The following ADAMTS19 variants were observed in gnomAD, a reference collection of about 807,000 sequenced individuals.
ADAMTS19 encodes ADAM metallopeptidase with thrombospondin type 1 motif 19.
A neutral mutation model predicts 153.3 loss-of-function variants in ADAMTS19; 93 were observed. The ratio of observed to expected loss-of-function variants is 0.61; its 90% CI spans 0.51 to 0.72. ADAMTS19 has a LOEUF of 0.72. ADAMTS19 is among the 30% of genes least tolerant of loss of function. The probability of loss-of-function intolerance (pLI) is 0.00; values close to 1 mark genes in which losing one functional copy is unlikely to be tolerated. For missense variants in ADAMTS19, 1,482 were observed against 1,552.1 expected, an observed-to-expected ratio of 0.95 and a Z score of 0.76; for synonymous variants, 600 against 556.6, an observed-to-expected ratio of 1.08 and a Z score of -1.10.
At chr5:129,532,421 A>G (rs1752242006) in intron 6 of ADAMTS19, among the ~76,000 whole-genome samples, 2 of 152,156 alleles carry the variant, frequency 1.3e-5, no homozygotes, top group Admixed American at 1.3e-4. Context: ...CACCCACTTG[A>G]AAGGCTTCAG....
chr5:129,634,122 A>T (rs1161313000), intron 10 of ADAMTS19, among the ~76,000 whole-genome samples: 1 of 152,162 alleles, frequency 6.6e-6, no homozygotes, highest in East Asian at 1.9e-4. Context: ...TGATGAACTA[A>T]CCTTGTGCCA....
intron 6 of ADAMTS19, among the ~76,000 whole-genome samples, chr5:129,540,537 C>T (rs1287379787): frequency 6.6e-6 from 1 of 152,018 alleles, no homozygotes; most frequent in African/African-American, 2.4e-5. Context: ...CTTTGCCTTT[C>T]CTATTTGCAG....
intron 3 of ADAMTS19, among the ~76,000 whole-genome samples, chr5:129,522,161 A>G (rs1466536814): frequency 6.6e-6 from 1 of 151,022 alleles, no homozygotes; most frequent in African/African-American, 2.4e-5. Flanking sequence ...GGCCAATTAT[A>G]TATCCATCTA....
At chr5:129,723,299 T>C (rs534832810) in intron 21 of ADAMTS19, among the ~76,000 whole-genome samples, 147 of 152,324 alleles carry the variant, frequency 9.7e-4, no homozygotes, top group African/African-American at 3.3e-3. Flanking sequence ...GATTAAATTA[T>C]TTTCAGGTAA....
chr5:129,557,555 T>C (rs1047465659), intron 7 of ADAMTS19, among the ~76,000 whole-genome samples: 2 of 152,098 alleles, frequency 1.3e-5, no homozygotes, highest in African/African-American at 4.8e-5. Flanking sequence ...GCCGAGATGG[T>C]GGCACTGCAC....
intron 21 of ADAMTS19, among the ~76,000 whole-genome samples, chr5:129,729,718 G>C (rs1024011936): frequency 1.3e-5 from 2 of 151,790 alleles, no homozygotes; most frequent in Non-Finnish European, 2.9e-5. Context: ...TTTATAAAAG[G>C]TGCTATTCAG....
At chr5:129,471,561 T>A (rs533398477) in intron 2 of ADAMTS19, among the ~76,000 whole-genome samples, 21 of 152,254 alleles carry the variant, frequency 1.4e-4, no homozygotes, top group South Asian at 1.2e-3. Flanking sequence ...ACTTTTTTTT[T>A]AAACTTTCAA....
At chr5:129,631,159 G>A (rs1029032198) in intron 10 of ADAMTS19, among the ~76,000 whole-genome samples, 1 of 129,244 alleles carries the variant, frequency 7.7e-6, no homozygotes, top group Non-Finnish European at 1.6e-5. Flanking sequence ...GAAAATTTTA[G>A]GTTTTTTTTT....
Position 129,578,104 on chromosome 5 carries a change from A to C in ADAMTS19, c.1373-18455A>C, listed in dbSNP as rs549625295. ...CATATATACATATACATACATATAC[A>C]TATGCATGTATATGTACGTATACGT... On this transcript the variant is annotated intron_variant, in intron 7 of 22. Transcript: ENST00000274487. Among the ~76,000 whole-genome samples the C allele has an allele frequency of 2.1e-4, 28 of 131,728 alleles. 1 individual carries two copies. Among genetic ancestry groups the C allele is most frequent in the Middle Eastern group, 3.9e-3 (1 of 258 alleles). 86.4% of individuals were successfully genotyped at this position (131,728 alleles called of 152,430 possible).
At chr5:129,733,808 T>A (rs900409363) in intron 21 of ADAMTS19, among the ~76,000 whole-genome samples, 2 of 152,040 alleles carry the variant, frequency 1.3e-5, no homozygotes, top group Non-Finnish European at 2.9e-5. Context: ...CTATTGGGTA[T>A]CTATCCAAAG....
chr5:129,524,025 A>G lies in ADAMTS19; in HGVS notation c.914-2259A>G, dbSNP rs527499862. ...CCAAGACAATCCTAAGCAAAAAGAAAAAAGCTGGGGGCATCATGCTACCTG... is the reference window on the plus strand; with the variant it reads ...CCAAGACAATCCTAAGCAAAAAGAAGAAAGCTGGGGGCATCATGCTACCTG... On this transcript the variant is annotated intron_variant, in intron 3 of 22. Transcript: ENST00000274487. 2.6e-5 allele frequency among the ~76,000 whole-genome samples: 4 copies of G among 152,176 alleles called. No individual in the cohort carries two copies. The South Asian group carries it at 8.3e-4, about 32-fold the overall frequency.
Position 129,627,877 on chromosome 5 carries a change from G to C in ADAMTS19, c.1770+5529G>C, listed in dbSNP as rs540545626. On this transcript the variant is annotated intron_variant, in intron 10 of 22. Transcript: ENST00000274487. ...ATTAGTTCCACCATTGTGGAAAGCA[G>C]TGTGGCAATTCCTCAAAGAGCTAAA... Among the ~76,000 whole-genome samples the C allele has an allele frequency of 2.6e-4, 40 of 151,888 alleles. No individual in the cohort carries two copies. In the South Asian group the frequency reaches 7.9e-3, roughly 30 times the overall value.
rs556419282 is a variant in ADAMTS19, at chr5:129,675,650, T to C, written c.2507-4114T>C. Among the ~76,000 whole-genome samples, 3 of 152,324 alleles carry C rather than the reference T, an allele frequency of 2.0e-5. No homozygotes were observed. The East Asian group carries it at 5.8e-4, about 29-fold the overall frequency. On this transcript the variant is annotated intron_variant, in intron 16 of 22. Transcript: ENST00000274487. ...ATTTTACATATTTTATTCTGTGAAA[T>C]TTGATTTTTCATAGTTTCCATTACT...
At chr5:129,476,043 G>A (rs114132982) in intron 2 of ADAMTS19, among the ~76,000 whole-genome samples, 1,602 of 152,074 alleles carry the variant, frequency 0.011, 24 homozygotes, top group African/African-American at 0.037. Context: ...CTGTGAAAAT[G>A]ATTATTACTA....
chr5:129,677,814 T>G (rs1754615557), intron 16 of ADAMTS19, among the ~76,000 whole-genome samples: 1 of 151,972 alleles, frequency 6.6e-6, no homozygotes, highest in African/African-American at 2.4e-5. Flanking sequence ...AAAGCTTTAC[T>G]TTCCCCCCCA....
At chr5:129,570,944 G>A (rs941329722) in intron 7 of ADAMTS19, among the ~76,000 whole-genome samples, 2 of 151,796 alleles carry the variant, frequency 1.3e-5, no homozygotes, top group Non-Finnish European at 2.9e-5. Context: ...AGCATCTACT[G>A]AAAAGAAAAA....
chr5:129,570,371 C>T (rs1055042792), intron 7 of ADAMTS19, among the ~76,000 whole-genome samples: 1 of 151,412 alleles, frequency 6.6e-6, no homozygotes, highest in Non-Finnish European at 1.5e-5. Context: ...AAAACTTATC[C>T]AAAATAAAAT....
intron 7 of ADAMTS19, among the ~76,000 whole-genome samples, chr5:129,556,998 T>G (rs1753336979): frequency 6.6e-6 from 1 of 152,126 alleles, no homozygotes; most frequent in Non-Finnish European, 1.5e-5. Flanking sequence ...ACCAGAACAC[T>G]TTCTAAGTTA....
chr5:129,513,658 G>T (rs1397934021), intron 3 of ADAMTS19, among the ~76,000 whole-genome samples: 1 of 151,564 alleles, frequency 6.6e-6, no homozygotes, highest in Non-Finnish European at 1.5e-5. Flanking sequence ...ATTTTTTTGT[G>T]GGTACATAGT....
Sources: gnomAD v4.1 joint callset for allele counts (sites outside exome capture counted in the v4.1 genomes callset) on GRCh38, gnomAD v4.1.1 for gene constraint, MANE v1.5 for transcripts, NCBI Gene and HGNC (gene_info 2026-07-23, HGNC 2026-07-21) for gene names.